Variants in CLK4 observed in about 807,000 individuals in gnomAD.
The protein encoded by CLK4 is dual specificity protein kinase CLK4.
Under a neutral mutation model 64.4 loss-of-function variants are expected in CLK4, and 37 were observed. That is an observed-to-expected ratio of 0.57 (90% CI 0.44 to 0.76). CLK4 has a LOEUF of 0.76. Ranked by LOEUF, CLK4 falls within the 30% of genes least tolerant of loss-of-function variation. CLK4 has a pLI of 0.00. For missense variants in CLK4, 457 were observed against 605.1 expected, an observed-to-expected ratio of 0.76 and a Z score of 2.57; for synonymous variants, 175 against 191.6, an observed-to-expected ratio of 0.91 and a Z score of 0.72.
chr5:178,615,187 TA>T (rs910846117), intron 5 of CLK4, among the ~76,000 whole-genome samples: 1 of 151,644 alleles, frequency 6.6e-6, no homozygotes, highest in Non-Finnish European at 1.5e-5. Flanking sequence ...TCCATCTCAT[TA>T]AAAAAAAATT....
intron 9 of CLK4, among the ~76,000 whole-genome samples, chr5:178,609,556 G>A (rs999329541): frequency 6.6e-6 from 1 of 151,890 alleles, no homozygotes; most frequent in African/African-American, 2.4e-5. Context: ...GGTGGCAGAC[G>A]CCTGTAATCC....
At chr5:178,619,427 T>C (rs189146651) in intron 2 of CLK4, among the ~76,000 whole-genome samples, 70 of 152,376 alleles carry the variant, frequency 4.6e-4, no homozygotes, top group Non-Finnish European at 7.2e-4. Flanking sequence ...TTGTTATTCC[T>C]GTTTGAGAAA....
At chr5:178,607,048 T>G (rs1235004709) in intron 10 of CLK4, among the ~76,000 whole-genome samples, 1 of 152,008 alleles carries the variant, frequency 6.6e-6, no homozygotes, top group Non-Finnish European at 1.5e-5. Flanking sequence ...TACTTTTTGT[T>G]TTACCAATTA....
chr5:178,603,772 T>C lies in CLK4; in HGVS notation c.1306-15A>G. On this transcript the variant is annotated splice_polypyrimidine_tract_variant and intron_variant, in intron 12 of 12. Coordinates refer to ENST00000316308, the MANE Select transcript of CLK4 (RefSeq NM_020666.3). ...AGCATAAATTCCTGGGGGAGAAATG[T>C]TTTTGTTTTAAAAAAAATTATTAAT... The C allele has an allele frequency of 6.3e-7, 1 of 1,579,508 alleles. No individual in the cohort carries two copies. The highest frequency in any genetic ancestry group is 8.6e-7 in the Non-Finnish European group (1 of 1,168,198).
chr5:178,607,529 T>C, intron 10 of CLK4, among the ~76,000 whole-genome samples: 1 of 147,822 alleles, frequency 6.8e-6, no homozygotes, highest in Admixed American at 6.8e-5. Context: ...TTTTTTTTTT[T>C]GCAACAGAGT....
chr5:178,624,767 T>A (rs963644688), intron 1 of CLK4, among the ~76,000 whole-genome samples: 4 of 152,132 alleles, frequency 2.6e-5, no homozygotes, highest in Non-Finnish European at 5.9e-5. Flanking sequence ...CCCAAATGAC[T>A]AATAAGCAAA....
chr5:178,624,080 A>G (rs775167224), intron 1 of CLK4, among the ~76,000 whole-genome samples: 3 of 152,212 alleles, frequency 2.0e-5, no homozygotes, highest in Non-Finnish European at 4.4e-5. Context: ...TTTTTCTCAA[A>G]TTCTCCATAG....
intron 1 of CLK4, among the ~76,000 whole-genome samples, chr5:178,626,022 T>C (rs1764774743): frequency 6.6e-6 from 1 of 152,186 alleles, no homozygotes; most frequent in Non-Finnish European, 1.5e-5. Context: ...ACAATGGATC[T>C]CATATGTAGA....
chr5:178,623,208 T>C (rs777423843), intron 2 of CLK4, 48 bp downstream of exon 2: 27 of 1,530,320 alleles, frequency 1.8e-5, no homozygotes, highest in Non-Finnish European at 2.1e-5. Flanking sequence ...TGACAAATCA[T>C]TTAAAACTAT....
At chr5:178,624,853 A>AG (rs960545623) in intron 1 of CLK4, among the ~76,000 whole-genome samples, 1 of 152,174 alleles carries the variant, frequency 6.6e-6, no homozygotes, top group African/African-American at 2.4e-5. Context: ...TTCTTCTGGG[A>AG]GGTATTCCAC....
intron 1 of CLK4, among the ~76,000 whole-genome samples, chr5:178,625,596 C>T (rs4077796): frequency 0.11 from 17,319 of 152,036 alleles, 1,297 homozygotes; most frequent in East Asian, 0.35. Flanking sequence ...TTATTATGAC[C>T]CTCCATTACT....
chr5:178,605,816 C>T (rs1228230036), intron 10 of CLK4: 2 of 152,422 alleles, frequency 1.3e-5, no homozygotes, highest in Non-Finnish European at 2.9e-5. Flanking sequence ...AGAAAACGGT[C>T]AAACTTACAG....
intron 5 of CLK4, 145 bp downstream of exon 5, chr5:178,616,737 A>G: frequency 5.1e-6 from 3 of 584,688 alleles, no homozygotes; most frequent in Non-Finnish European, 6.0e-6. Flanking sequence ...CGGCAGTTGC[A>G]GTGAGCCAAG....
At chr5:178,626,177 G>A (rs1764776964) in intron 1 of CLK4, among the ~76,000 whole-genome samples, 1 of 152,206 alleles carries the variant, frequency 6.6e-6, no homozygotes, top group Non-Finnish European at 1.5e-5. Flanking sequence ...CTGTAGGGGT[G>A]TGTAAAAAGC....
Position 178,618,652 on chromosome 5 carries a change from C to A in CLK4, c.288G>T (p.Gly96=). The change falls in exon 3 of 13, where the codon GGG becomes GGT. Residue 96 remains glycine, a synonymous_variant. Coordinates refer to ENST00000316308, the MANE Select transcript of CLK4 (RefSeq NM_020666.3). Reference sequence around the variant, plus strand: ...AAGATTTACTGCAGTGGATTCGATACCCGCTTTCAATGTCTCTGTGATAAT... The same window carrying A: ...AAGATTTACTGCAGTGGATTCGATAACCGCTTTCAATGTCTCTGTGATAAT... ...PRHYHRDIES[G]YRIHCSKSSV... The A allele has an allele frequency of 6.2e-7, 1 of 1,614,024 alleles. No individual in the cohort carries two copies. The highest frequency in any genetic ancestry group is 2.2e-5 in the East Asian group (1 of 44,854).
chr5:178,623,498 T>C, intron 1 of CLK4, 82 bp from the exon 2 acceptor site: 1 of 1,189,840 alleles, frequency 8.4e-7, no homozygotes, highest in Non-Finnish European at 1.1e-6. Flanking sequence ...TTATTTAAGT[T>C]ATCAAAACCC....
At chr5:178,613,370 G>C in intron 7 of CLK4, 103 bp downstream of exon 7, 2 of 767,220 alleles carry the variant, frequency 2.6e-6, no homozygotes, top group Non-Finnish European at 3.5e-6. Context: ...GCTGGGACCC[G>C]AGAGCGCCAC....
At chr5:178,604,825 A>T (rs887662352) in intron 11 of CLK4, 1 of 152,158 alleles carries the variant, frequency 6.6e-6, no homozygotes, top group South Asian at 2.1e-4. Context: ...AATATTTTTT[A>T]TTATATTAGT....
intron 5 of CLK4, among the ~76,000 whole-genome samples, chr5:178,614,619 TC>T (rs1166084322): frequency 6.6e-6 from 1 of 152,200 alleles, no homozygotes; most frequent in East Asian, 1.9e-4. Context: ...CTATGACCCT[TC>T]CACTTTACAA....
Sources: gnomAD v4.1 joint callset for allele counts (sites outside exome capture counted in the v4.1 genomes callset) on GRCh38, gnomAD v4.1.1 for gene constraint, MANE v1.5 for transcripts, NCBI Gene and HGNC (gene_info 2026-07-23, HGNC 2026-07-21) for gene names.